The following PHF14 variants were observed in gnomAD, a reference collection of about 807,000 sequenced individuals.
The protein encoded by PHF14 is PHD finger protein 14.
PHF14 carries 55 observed loss-of-function variants against 117.9 expected under a neutral mutation model. The observed-to-expected ratio is 0.47, with a 90% confidence interval of 0.38 to 0.58. The LOEUF is 0.58. PHF14 is among the 20% of genes least tolerant of loss of function. The probability of loss-of-function intolerance (pLI) is 0.00; values close to 1 mark genes in which losing one functional copy is unlikely to be tolerated. For synonymous variants in PHF14, 409 were observed against 368.6 expected (o/e 1.11, Z -1.26); for missense variants, 978 against 1,122.2 (o/e 0.87, Z 1.84).
At chr7:11,134,392 A>G (rs1788162025) in intron 17 of PHF14, among the ~76,000 whole-genome samples, 1 of 152,046 alleles carries the variant, frequency 6.6e-6, no homozygotes, top group Non-Finnish European at 1.5e-5. Context: ...GATTCATTTT[A>G]TATTGTTTGC....
Position 11,134,870 on chromosome 7 carries a change from A to T in PHF14, c.2772+23403A>T, listed in dbSNP as rs75496100. ...ACAATGAATAATTCAGTAGAGCAAC[A>T]TATAGACCACCAAGTAAATTTTTAT... On this transcript the variant is annotated intron_variant, in intron 17 of 17. Coordinates refer to ENST00000634607, the MANE Select transcript of PHF14 (RefSeq NM_001007157.2). Among the ~76,000 whole-genome samples, 25 of 152,260 alleles carry T rather than the reference A, an allele frequency of 1.6e-4. No homozygotes were observed. The East Asian group carries it at 4.8e-3, about 29-fold the overall frequency.
chr7:11,104,769 C>T, intron 16 of PHF14: 1 of 615,534 alleles, frequency 1.6e-6, no homozygotes, highest in Non-Finnish European at 2.0e-6. Flanking sequence ...CCCCCTTCAC[C>T]CTGGAGTTTC....
In PHF14 at chr7:10,973,943, A is replaced by C; in HGVS notation, c.-381A>C. ...TGAGGCAGCCGCCCTCGCGCTGTGC[A>C]ATTTCTGGTCTTTCGTTGCTTCTGG... On this transcript the variant is annotated 5_prime_UTR_variant, in exon 1 of 18. Transcript: ENST00000634607. The C allele has an allele frequency of 5.0e-6, 1 of 199,038 alleles. No homozygotes were observed. Among genetic ancestry groups the C allele is most frequent in the Non-Finnish European group, 1.0e-5 (1 of 95,888 alleles). The allele number at this position is 199,038 out of a possible 1,614,324, so 12.3% of individuals were successfully genotyped here.
At chr7:11,137,013 G>A (rs115444290) in intron 17 of PHF14, among the ~76,000 whole-genome samples, 1 of 152,146 alleles carries the variant, frequency 6.6e-6, no homozygotes, top group Non-Finnish European at 1.5e-5. Flanking sequence ...CATATGCTAC[G>A]CATTTTCAGT....
At chr7:11,018,008 T>C (rs1783591371) in intron 5 of PHF14, among the ~76,000 whole-genome samples, 1 of 152,198 alleles carries the variant, frequency 6.6e-6, no homozygotes, top group Non-Finnish European at 1.5e-5. Context: ...GCACCATTTG[T>C]TGAAGAAACT....
intron 16 of PHF14, among the ~76,000 whole-genome samples, chr7:11,066,440 T>C (rs1338310266): frequency 6.6e-6 from 1 of 152,218 alleles, no homozygotes; most frequent in African/African-American, 2.4e-5. Flanking sequence ...CTAACTAGTA[T>C]GGAGGCAATG....
At chr7:11,102,333 C>A (rs937146719) in intron 16 of PHF14, among the ~76,000 whole-genome samples, 1 of 151,784 alleles carries the variant, frequency 6.6e-6, no homozygotes. Context: ...TACACAAGAT[C>A]ATGGCATTTA....
intron 17 of PHF14, among the ~76,000 whole-genome samples, chr7:11,123,670 C>G (rs1181778867): frequency 6.6e-6 from 1 of 152,032 alleles, no homozygotes; most frequent in African/African-American, 2.4e-5. Flanking sequence ...GTCCCACCTA[C>G]TCGGGAGGCT....
intron 12 of PHF14, among the ~76,000 whole-genome samples, chr7:11,041,486 A>G (rs540881120): frequency 6.6e-6 from 1 of 151,610 alleles, no homozygotes; most frequent in African/African-American, 2.4e-5. Context: ...GCATACATAT[A>G]TGTTATGCAT....
At chr7:11,104,727 C>G (rs1787202002) in intron 16 of PHF14, 1 of 682,206 alleles carries the variant, frequency 1.5e-6, no homozygotes, top group South Asian at 6.6e-5. Context: ...CTATTCCTCT[C>G]CTGGATCTGC....
At chr7:11,035,537 C>T (rs760621059) in intron 7 of PHF14, 103 bp from the exon 8 acceptor site, 1 of 613,084 alleles carries the variant, frequency 1.6e-6, no homozygotes, top group Non-Finnish European at 2.6e-6. Context: ...GTAACTAGCA[C>T]TAGTAGATTC....
At chr7:11,046,101 G>T (rs1246156327) in intron 13 of PHF14, among the ~76,000 whole-genome samples, 1 of 152,012 alleles carries the variant, frequency 6.6e-6, no homozygotes, top group African/African-American at 2.4e-5. Context: ...GTGTGATCTA[G>T]GTTCTATTTT....
chr7:11,101,334 T>C (rs1163158280), intron 16 of PHF14, among the ~76,000 whole-genome samples: 2 of 151,866 alleles, frequency 1.3e-5, no homozygotes, highest in African/African-American at 4.8e-5. Flanking sequence ...GAGTTAATTG[T>C]ATTTCTATTA....
intron 16 of PHF14, chr7:11,108,739 T>C (rs546229459): frequency 6.6e-6 from 1 of 151,918 alleles, no homozygotes; most frequent in South Asian, 2.1e-4. Context: ...AGATTGGAAC[T>C]GTGTTAGTGT....
chr7:10,994,220 T>A (rs1782554360), intron 4 of PHF14, among the ~76,000 whole-genome samples: 1 of 151,946 alleles, frequency 6.6e-6, no homozygotes, highest in African/African-American at 2.4e-5. Flanking sequence ...AGTGAATCAC[T>A]TGAGGTCAGA....
chr7:11,018,522 C>T (rs551141505), intron 5 of PHF14, among the ~76,000 whole-genome samples: 21 of 152,074 alleles, frequency 1.4e-4, no homozygotes, highest in Non-Finnish European at 5.9e-5. Context: ...AATGCCATTA[C>T]TTTTAAAATT....
At chr7:11,052,947 A>T (rs2128327112) in intron 14 of PHF14, among the ~76,000 whole-genome samples, 2 of 152,240 alleles carry the variant, frequency 1.3e-5, no homozygotes, top group Non-Finnish European at 2.9e-5. Context: ...TTTGGTGTGT[A>T]TGTTTTCTAT....
chr7:10,985,638 GTTTTTT>G (rs61250143), intron 3 of PHF14, among the ~76,000 whole-genome samples: 137 of 45,932 alleles, frequency 3.0e-3, no homozygotes, highest in African/African-American at 9.8e-3. Context: ...TTCTCAAACT[GTTTTTT>G]TTTTTTTTTT....
At chr7:11,113,662 C>G (rs762866344) in intron 17 of PHF14, among the ~76,000 whole-genome samples, 1 of 152,012 alleles carries the variant, frequency 6.6e-6, no homozygotes, top group Non-Finnish European at 1.5e-5. Context: ...CTGAAACTTC[C>G]GGAGACTTAA....
Sources: allele counts gnomAD v4.1 joint callset (sites outside exome capture counted in the v4.1 genomes callset), GRCh38; gene constraint gnomAD v4.1.1; transcripts MANE v1.5; gene names NCBI Gene and HGNC (gene_info 2026-07-23, HGNC 2026-07-21).